Variants in CDYL observed in about 807,000 individuals in gnomAD.
CDYL encodes the protein chromodomain Y like.
In CDYL, 8 loss-of-function variants were observed where a neutral mutation model predicts 47.3. The ratio of observed to expected loss-of-function variants is 0.17; its 90% CI spans 0.10 to 0.31. CDYL has a LOEUF of 0.31. Among genes scored for constraint, CDYL ranks in the 10% least tolerant of loss-of-function variants. CDYL has a pLI of 1.00. For synonymous variants in CDYL, 266 were observed against 265.0 expected, an observed-to-expected ratio of 1.00 and a Z score of -0.04; for missense variants, 471 against 701.4, an observed-to-expected ratio of 0.67 and a Z score of 3.71.
In CDYL at chr6:4,715,882, G is replaced by A. The variant is rs141268596; in HGVS notation, c.103+1G>A. The A allele has an allele frequency of 9.4e-4, 1,519 of 1,613,190 alleles. 26 individuals are homozygous for A. The South Asian group carries it at 0.014, about 15-fold the overall frequency. ...AAGTTATTCCTGAAGAGAAACAACG[G>A]TAAGAACTTGCAGGAATCAAATTAG... On this transcript the variant is annotated splice_donor_variant, in intron 2 of 8. Coordinates refer to the CDYL transcript ENST00000328908. LOFTEE classifies it high-confidence loss of function.
At chr6:4,729,754 C>CA (rs1260695636) in intron 2 of CDYL, among the ~76,000 whole-genome samples, 6 of 152,006 alleles carry the variant, frequency 3.9e-5, no homozygotes, top group Non-Finnish European at 7.4e-5. Flanking sequence ...CCTGTCTCTA[C>CA]AAAAAATACA....
At chr6:4,731,458 G>C (rs1204396656) in intron 2 of CDYL, among the ~76,000 whole-genome samples, 2 of 152,140 alleles carry the variant, frequency 1.3e-5, no homozygotes, top group Non-Finnish European at 2.9e-5. Context: ...GGCTCCCTCT[G>C]TGTCTCATCC....
chr6:4,876,978 C>T (rs764242353), intron 1 of CDYL, among the ~76,000 whole-genome samples: 4 of 152,302 alleles, frequency 2.6e-5, no homozygotes, highest in Non-Finnish European at 4.4e-5. Context: ...TAAAGAGGCC[C>T]AAGAGAGCTT....
Position 4,900,779 on chromosome 6 carries a change from G to GTGTGTATATATGTATGTATATATA in CDYL, c.691+8401_691+8402insGTGTATATATGTATGTATATATAT. ...TCTTCTGTTAATTCCGTATACGTGT[G>GTGTGTATATATGTATGTATATATA]TATATATATATATATATATATATAT... is the stretch of plus-strand genomic sequence containing the variant. On this transcript the variant is annotated intron_variant, in intron 2 of 6. Transcript: ENST00000397588. 1.1e-3 allele frequency among the ~76,000 whole-genome samples: 57 copies of GTGTGTATATATGTATGTATATATA among 51,716 alleles called. 5 individuals are homozygous for GTGTGTATATATGTATGTATATATA. Among genetic ancestry groups the GTGTGTATATATGTATGTATATATA allele is most frequent in the Non-Finnish European group, 1.9e-3 (45 of 24,184 alleles). 33.9% of individuals were successfully genotyped at this position (51,716 alleles called of 152,430 possible).
chr6:4,938,734 CTGT>C (rs1245085921), intron 4 of CDYL, among the ~76,000 whole-genome samples: 23 of 152,258 alleles, frequency 1.5e-4, no homozygotes, highest in African/African-American at 5.1e-4. Flanking sequence ...CAATTTAGTT[CTGT>C]TGTTGCTTTG....
chr6:4,716,978 T>C (rs1459185439), intron 2 of CDYL, among the ~76,000 whole-genome samples: 1 of 152,034 alleles, frequency 6.6e-6, no homozygotes, highest in Non-Finnish European at 1.5e-5. Flanking sequence ...TTACATCTCA[T>C]TGGGAAAGAC....
At chr6:4,732,318 G>A (rs147189313) in intron 2 of CDYL, among the ~76,000 whole-genome samples, 1 of 152,080 alleles carries the variant, frequency 6.6e-6, no homozygotes, top group East Asian at 1.9e-4. Flanking sequence ...CTGGGCAACA[G>A]AGCCAGACCC....
intron 1 of CDYL, among the ~76,000 whole-genome samples, chr6:4,845,278 C>G (rs1760623711): frequency 6.6e-6 from 1 of 152,156 alleles, no homozygotes. Context: ...GTAACCCAAT[C>G]TTAGAGGTCT....
In CDYL at chr6:4,808,617, C is replaced by T. The variant is rs184391589; in HGVS notation, c.24+31810C>T. Among the ~76,000 whole-genome samples, 24 of 152,294 alleles carry T rather than the reference C, an allele frequency of 1.6e-4. No individual in the cohort carries two copies. The East Asian group carries it at 3.3e-3, about 21-fold the overall frequency. ...ATAAAGTTTTATTGGAACACAGCCC[C>T]GCCTATTTGTTTATATATCACGCAT... is the stretch of plus-strand genomic sequence containing the variant. On this transcript the variant is annotated intron_variant, in intron 1 of 6. Coordinates refer to ENST00000397588, the MANE Select transcript of CDYL (RefSeq NM_004824.4).
intron 2 of CDYL, among the ~76,000 whole-genome samples, chr6:4,916,127 T>A (rs1216949102): frequency 6.6e-6 from 1 of 152,136 alleles, no homozygotes; most frequent in Non-Finnish European, 1.5e-5. Context: ...AAAGCCAAAC[T>A]GTAACCCAGC....
At chr6:4,909,404 C>T (rs1307126510) in intron 2 of CDYL, among the ~76,000 whole-genome samples, 1 of 152,196 alleles carries the variant, frequency 6.6e-6, no homozygotes, top group Non-Finnish European at 1.5e-5. Context: ...CTCTGCTGCT[C>T]ACCATTGCCA....
At chr6:4,895,678 C>T (rs1347337371) in intron 2 of CDYL, among the ~76,000 whole-genome samples, 2 of 152,074 alleles carry the variant, frequency 1.3e-5, no homozygotes, top group African/African-American at 2.4e-5. Flanking sequence ...ACCTCCAATG[C>T]GATCTTGCTG....
chr6:4,733,092 A>T (rs1409385662), intron 2 of CDYL: 2 of 152,254 alleles, frequency 1.3e-5, no homozygotes, highest in Non-Finnish European at 2.9e-5. Context: ...CTGGGTACAG[A>T]TTCCCTATAC....
chr6:4,932,619 G>T (rs952094032), intron 2 of CDYL, among the ~76,000 whole-genome samples: 1 of 152,214 alleles, frequency 6.6e-6, no homozygotes, highest in Non-Finnish European at 1.5e-5. Flanking sequence ...TAAAGACCCA[G>T]GAGCTCTCAC....
At chr6:4,884,679 G>T (rs907029922) in intron 1 of CDYL, among the ~76,000 whole-genome samples, 1 of 152,172 alleles carries the variant, frequency 6.6e-6, no homozygotes, top group African/African-American at 2.4e-5. Flanking sequence ...TGTTTACTGC[G>T]CTGTAGGATA....
At chr6:4,797,678 T>C (rs71555871) in intron 1 of CDYL, among the ~76,000 whole-genome samples, 28 of 152,366 alleles carry the variant, frequency 1.8e-4, no homozygotes, top group Non-Finnish European at 4.0e-4. Flanking sequence ...ACATGTCATA[T>C]AAATGGAAAC....
chr6:4,841,972 T>G (rs938678663), intron 1 of CDYL, among the ~76,000 whole-genome samples: 5 of 145,850 alleles, frequency 3.4e-5, no homozygotes, highest in African/African-American at 1.2e-4. Context: ...AATATTATAT[T>G]AATATTAATA....
In CDYL at chr6:4,715,659, G is replaced by GT. The variant is rs745624341; in HGVS notation, c.-38-81dup. 1.2e-4 allele frequency: 156 copies of GT among 1,348,550 alleles called. 1 individual carries two copies. The highest frequency in any genetic ancestry group is 4.4e-5 in the Non-Finnish European group (44 of 1,000,010). The allele number at this position is 1,348,550 out of a possible 1,614,324, so 83.5% of individuals were successfully genotyped here. A position where few individuals can be genotyped will look rare whatever the true frequency, so the allele number is the denominator to read the frequency against. On this transcript the variant is annotated intron_variant, in intron 1 of 8. Coordinates refer to the CDYL transcript ENST00000328908. ...CACTCTCAGATTCAATGTAGAACTG[G>GT]TGAAAGTCATTAAATGCCATGAGCC...
chr6:4,804,359 A>C (rs1259620498), intron 1 of CDYL, among the ~76,000 whole-genome samples: 1 of 152,230 alleles, frequency 6.6e-6, no homozygotes, highest in Non-Finnish European at 1.5e-5. Flanking sequence ...GGCTCCCCAC[A>C]TCACTGCAGG....
Sources: gnomAD v4.1 joint callset for allele counts (sites outside exome capture counted in the v4.1 genomes callset) on GRCh38, gnomAD v4.1.1 for gene constraint, MANE v1.5 for transcripts, NCBI Gene and HGNC (gene_info 2026-07-23, HGNC 2026-07-21) for gene names.